Variants in DNA2 observed in about 807,000 individuals in gnomAD.
The protein encoded by DNA2 is DNA replication ATP-dependent helicase/nuclease DNA2.
Under a neutral mutation model 119.1 loss-of-function variants are expected in DNA2, and 101 were observed. The ratio of observed to expected loss-of-function variants is 0.85; its 90% CI spans 0.72 to 1.00. The LOEUF (loss-of-function observed/expected upper bound fraction) is 1.00, where lower values mean the gene tolerates loss of function less well. Ranked by LOEUF, DNA2 falls within the 50% of genes least tolerant of loss-of-function variation. The probability of loss-of-function intolerance (pLI) is 0.00; values close to 1 mark genes in which losing one functional copy is unlikely to be tolerated. For synonymous variants in DNA2, 366 were observed against 424.4 expected, an observed-to-expected ratio of 0.86 and a Z score of 1.69; for missense variants, 1,121 against 1,255.5, an observed-to-expected ratio of 0.89 and a Z score of 1.62.
intron 14 of DNA2, among the ~76,000 whole-genome samples, chr10:68,429,473 G>A (rs2051787052): frequency 1.3e-5 from 2 of 151,260 alleles, no homozygotes; most frequent in Non-Finnish European, 2.9e-5. Context: ...GAATCCGGGA[G>A]GCAGAGGCTG....
At chr10:68,431,398 T>A (rs2051819158) in intron 13 of DNA2, among the ~76,000 whole-genome samples, 1 of 152,076 alleles carries the variant, frequency 6.6e-6, no homozygotes, top group Non-Finnish European at 1.5e-5. Flanking sequence ...TTCTCCTGCC[T>A]CAGCCTCCCG....
chr10:68,442,403 T>C (rs2051981905), intron 9 of DNA2, among the ~76,000 whole-genome samples: 1 of 150,114 alleles, frequency 6.7e-6, no homozygotes, highest in Non-Finnish European at 1.5e-5. Context: ...TTTTTGTTTT[T>C]TTGTGACAGT....
At chr10:68,439,237 A>C (rs1240476908) in intron 9 of DNA2, among the ~76,000 whole-genome samples, 1 of 148,750 alleles carries the variant, frequency 6.7e-6, no homozygotes, top group African/African-American at 2.5e-5. Flanking sequence ...CCTACTAAAA[A>C]TACAAAATTA....
At chr10:68,446,696 G>C (rs1027898000) in intron 6 of DNA2, among the ~76,000 whole-genome samples, 1 of 152,242 alleles carries the variant, frequency 6.6e-6, no homozygotes, top group Admixed American at 6.5e-5. Flanking sequence ...GGGCAATATA[G>C]TGAGACCAAG....
At chr10:68,464,280 AGGTG>A (rs1367658972) in intron 4 of DNA2, among the ~76,000 whole-genome samples, 1 of 152,168 alleles carries the variant, frequency 6.6e-6, no homozygotes, top group Non-Finnish European at 1.5e-5. Context: ...TGGGACGCCA[AGGTG>A]GGTGGATCAC....
chr10:68,427,353 C>CA (rs796313197), intron 14 of DNA2, among the ~76,000 whole-genome samples: 5,359 of 142,418 alleles, frequency 0.038, 295 homozygotes, highest in African/African-American at 0.13. Flanking sequence ...GTGTCAAAAA[C>CA]AAAAAAAAAA....
intron 4 of DNA2, among the ~76,000 whole-genome samples, chr10:68,461,105 G>T (rs1176623827): frequency 6.6e-6 from 1 of 152,186 alleles, no homozygotes; most frequent in African/African-American, 2.4e-5. Context: ...CATATGGACA[G>T]AAAGGCAGTA....
At chr10:68,419,567 G>A in intron 18 of DNA2, 1 of 562,984 alleles carries the variant, frequency 1.8e-6, no homozygotes, top group Non-Finnish European at 3.1e-6. Flanking sequence ...ACATAGTATT[G>A]TCTCAATTAG....
chr10:68,446,398 G>T lies in DNA2; in HGVS notation c.955C>A (p.Leu319Ile), dbSNP rs369112712. The change falls in exon 7 of 21, where the codon CTA (leucine) becomes ATA (isoleucine). Residue 319 changes from leucine (L) to isoleucine (I), a missense_variant. Transcript: ENST00000358410. ...EHRSQVVLYT[L>I]LSQERRADPE... ...TCAGCTCTTCTCTCTTGGCTTAGTAGAGTGTACAGAACAACCTGTGCAAAC... is the reference window on the plus strand; with the variant it reads ...TCAGCTCTTCTCTCTTGGCTTAGTATAGTGTACAGAACAACCTGTGCAAAC... The T allele has an allele frequency of 1.8e-5, 29 of 1,586,098 alleles. No homozygotes were observed. The African/African-American group carries it at 3.9e-4, about 21-fold the overall frequency.
At chr10:68,423,428 G>A (rs2051693127) in intron 14 of DNA2, among the ~76,000 whole-genome samples, 2 of 152,158 alleles carry the variant, frequency 1.3e-5, no homozygotes, top group South Asian at 4.1e-4. Context: ...AACTGAAGGA[G>A]CCACGGCACA....
Position 68,444,959 on chromosome 10 carries a change from T to A in DNA2, c.1182A>T (p.Lys394Asn). 6.2e-7 allele frequency: 1 copy of A among 1,613,714 alleles called. No homozygotes were observed. Among genetic ancestry groups the A allele is most frequent in the Non-Finnish European group, 8.5e-7 (1 of 1,179,754 alleles). Residue 394 changes from lysine (K) to asparagine (N), a missense_variant, in exon 8 of 21, where the codon AAA (lysine) becomes AAT (asparagine). Physicochemically the swap from Lys to Asn is moderately conservative, Grantham distance 94 (BLOSUM62 0). Coordinates refer to ENST00000358410, the MANE Select transcript of DNA2 (RefSeq NM_001080449.3). The part of the protein sequence containing the change: ...PQIIEEEKTC[K>N]YCSQIGNCAL... ...CACAATTGCCAATTTGTGAACAATA[T>A]TTACAAGTTTTCTCTTCCTCAATTA...
rs1329130982 is a variant in DNA2 at position 68,468,162 on chromosome 10, A to G, written c.402T>C (p.Ile134=). ...LISGTSIASS[I]RCMRRAVLSE... Reference sequence around the variant, plus strand: ...TCAGGACAGCTCTTCTCATACATCGAATACTACTGGCTATGCTGGTGCCAG... The same window carrying G: ...TCAGGACAGCTCTTCTCATACATCGGATACTACTGGCTATGCTGGTGCCAG... Residue 134 remains isoleucine (I), a synonymous_variant, in exon 3 of 21, where the codon ATT becomes ATC. Transcript: ENST00000358410. 1.2e-6 allele frequency: 2 copies of G among 1,607,948 alleles called. No homozygotes were observed. Among genetic ancestry groups the G allele is most frequent in the Non-Finnish European group, 1.7e-6 (2 of 1,177,848 alleles).
At chr10:68,430,376 T>TC in intron 14 of DNA2, 60 bp downstream of exon 14, 2 of 1,225,414 alleles carry the variant, frequency 1.6e-6, no homozygotes, top group Non-Finnish European at 2.3e-6. Context: ...GTACAGTTTC[T>TC]CCCCTCATTC....
chr10:68,464,604 C>T (rs138006934), intron 4 of DNA2, among the ~76,000 whole-genome samples: 3,366 of 151,852 alleles, frequency 0.022, 124 homozygotes, highest in African/African-American at 0.077. Context: ...GAGGCCGAGG[C>T]AGGCGGATCA....
At chr10:68,470,690 C>T (rs2052373458) in intron 1 of DNA2, 1 of 395,464 alleles carries the variant, frequency 2.5e-6, no homozygotes, top group East Asian at 7.4e-5. Flanking sequence ...GCAAGCCTTC[C>T]CAAAGTACAA....
At position 68,426,334 on chromosome 10, in the gene DNA2, T is replaced by C. The variant is rs112321160; in HGVS notation, c.2209-3444A>G. ...GGGCGGATCACCTGAGGTCAGAAGT[T>C]TGAGACCAGCCTGGCCAACACAGCA... On this transcript the variant is annotated intron_variant, in intron 14 of 20. Coordinates refer to ENST00000358410, the MANE Select transcript of DNA2 (RefSeq NM_001080449.3). Among the ~76,000 whole-genome samples, 306 of 149,842 alleles carry C rather than the reference T, an allele frequency of 2.0e-3. 4 individuals carry two copies. Among genetic ancestry groups the C allele is most frequent in the African/African-American group, 7.0e-3 (285 of 40,540 alleles).
rs1358549381 is a variant in DNA2, at chr10:68,419,117, C to T, written c.2884G>A (p.Glu962Lys). ...TGGTATTTGTCTACTGTATTAACTTCGACCATCCCAATAGAACGTGCCAAT... is the reference window on the plus strand; with the variant it reads ...TGGTATTTGTCTACTGTATTAACTTTGACCATCCCAATAGAACGTGCCAAT... ...DLLARSIGMV[E>K]VNTVDKYQGR... The change falls in exon 19 of 21, where the codon GAA becomes AAA. Residue 962 changes from glutamate to lysine, a missense_variant. By Grantham distance (56) the Glu-to-Lys change is moderately conservative. Transcript: ENST00000358410. 13 of 1,613,358 alleles carry T rather than the reference C, an allele frequency of 8.1e-6. No individual in the cohort carries two copies. Among genetic ancestry groups the T allele is most frequent in the South Asian group, 1.1e-5 (1 of 90,996 alleles).
intron 8 of DNA2, among the ~76,000 whole-genome samples, chr10:68,444,075 G>A (rs2052005389): frequency 6.6e-6 from 1 of 152,162 alleles, no homozygotes; most frequent in Non-Finnish European, 1.5e-5. Context: ...TGGCCAACAT[G>A]GTGAAACCCT....
At chr10:68,470,799 G>A (rs1014956237) in intron 1 of DNA2, among the ~76,000 whole-genome samples, 2 of 152,140 alleles carry the variant, frequency 1.3e-5, no homozygotes, top group African/African-American at 4.8e-5. Flanking sequence ...CCTATCATGA[G>A]CCACAGAATT....
Sources: allele counts gnomAD v4.1 joint callset (sites outside exome capture counted in the v4.1 genomes callset), GRCh38; gene constraint gnomAD v4.1.1; transcripts MANE v1.5; gene names NCBI Gene and HGNC (gene_info 2026-07-23, HGNC 2026-07-21).